CELF2: variants seen among roughly 807,000 people sequenced by gnomAD.
CELF2 encodes CUG triplet repeat RNA-binding protein 2.
CELF2 carries 8 observed loss-of-function variants against 62.6 expected under a neutral mutation model. That is an observed-to-expected ratio of 0.13 (90% CI 0.07 to 0.23). CELF2 has a LOEUF of 0.23. Among genes scored for constraint, CELF2 ranks in the 10% least tolerant of loss-of-function variants. CELF2 has a pLI of 1.00. For missense variants in CELF2, 333 were observed against 671.0 expected, an observed-to-expected ratio of 0.50 and a Z score of 5.56; for synonymous variants, 258 against 250.0, an observed-to-expected ratio of 1.03 and a Z score of -0.30.
intron 3 of CELF2, among the ~76,000 whole-genome samples, chr10:11,228,984 A>C (rs561008509): frequency 6.6e-6 from 1 of 152,308 alleles, no homozygotes; most frequent in African/African-American, 2.4e-5. Context: ...GGACCTGTGC[A>C]GGAAAGTAGG....
the CELF2 span, among the ~76,000 whole-genome samples, chr10:10,549,094 C>T: frequency 6.6e-6 from 1 of 152,158 alleles, no homozygotes; most frequent in African/African-American, 2.4e-5. Context: ...CTCTCTGGTC[C>T]TCATGTTCTC....
At chr10:10,748,174 T>C in the CELF2 span, among the ~76,000 whole-genome samples, 1 of 151,824 alleles carries the variant, frequency 6.6e-6, no homozygotes, top group Non-Finnish European at 1.5e-5. Flanking sequence ...CAGAGTAGGG[T>C]GACTATAATT....
intron 1 of CELF2, among the ~76,000 whole-genome samples, chr10:11,107,410 G>C (rs1010461584): frequency 7.9e-5 from 12 of 152,120 alleles, no homozygotes; most frequent in Non-Finnish European, 1.5e-5. Context: ...TCCACCAATA[G>C]CCACCTCCAT....
At chr10:11,103,116 C>T (rs529778871) in intron 1 of CELF2, among the ~76,000 whole-genome samples, 7 of 152,162 alleles carry the variant, frequency 4.6e-5, no homozygotes, top group Non-Finnish European at 8.8e-5. Flanking sequence ...CGGCTGCAAT[C>T]TCCCTTTTCC....
At chr10:10,615,752 C>A in the CELF2 span, among the ~76,000 whole-genome samples, 1 of 152,244 alleles carries the variant, frequency 6.6e-6, no homozygotes, top group Middle Eastern at 3.4e-3. Flanking sequence ...TCCCCTTCAC[C>A]TTCCACCATG....
chr10:10,761,332 A>G, the CELF2 span, among the ~76,000 whole-genome samples: 7 of 152,232 alleles, frequency 4.6e-5, no homozygotes, highest in Admixed American at 3.9e-4. Flanking sequence ...AAAAGATTAT[A>G]CAATGAGTTT....
rs965937954 is a variant in CELF2, at chr10:11,332,867, G to C, written c.*3814G>C. On this transcript the variant is annotated 3_prime_UTR_variant, in exon 13 of 13. Transcript: ENST00000633077. ...TGGGGCCTTCCTTCATCCTCTGAGG[G>C]CTATTTTGTACTTTCTGCAGCAATC... 1 of 152,568 alleles carries C rather than the reference G, an allele frequency of 6.6e-6. No homozygotes were observed. The highest frequency in any genetic ancestry group is 1.5e-5 in the Non-Finnish European group (1 of 68,038). 9.5% of individuals were successfully genotyped at this position (152,568 alleles called of 1,614,324 possible).
intron 2 of CELF2, among the ~76,000 whole-genome samples, chr10:10,965,621 C>A (rs1017823257): frequency 1.2e-4 from 19 of 152,048 alleles, no homozygotes; most frequent in Admixed American, 1.2e-3. Flanking sequence ...TAAATATCAT[C>A]CAAATTGTAT....
chr10:10,792,337 G>C, the CELF2 span: 1 of 398,212 alleles, frequency 2.5e-6, no homozygotes, highest in South Asian at 1.3e-4. Flanking sequence ...AGTTTTTGTG[G>C]GGGAGTGGGG....
chr10:10,633,046 G>C, the CELF2 span, among the ~76,000 whole-genome samples: 1 of 152,038 alleles, frequency 6.6e-6, no homozygotes, highest in Non-Finnish European at 1.5e-5. Context: ...CCTTAAACCA[G>C]TATTCTCTTG....
chr10:10,466,791 C>A, the CELF2 span, among the ~76,000 whole-genome samples: 1 of 152,034 alleles, frequency 6.6e-6, no homozygotes, highest in East Asian at 1.9e-4. Flanking sequence ...ATAAACCTTC[C>A]CTGAAATTGA....
intron 1 of CELF2, among the ~76,000 whole-genome samples, chr10:11,147,233 TG>T (rs1218144778): frequency 6.6e-6 from 1 of 152,188 alleles, no homozygotes; most frequent in Non-Finnish European, 1.5e-5. Context: ...TTCAGGTTTT[TG>T]TTTTTGTGAA....
At chr10:10,830,529 G>A (rs2057764717) in intron 1 of CELF2, among the ~76,000 whole-genome samples, 1 of 151,968 alleles carries the variant, frequency 6.6e-6, no homozygotes, top group South Asian at 2.1e-4. Context: ...GGTCCTTGGA[G>A]GATTTAAAAA....
At position 11,300,504 on chromosome 10, in the gene CELF2, CCA is replaced by C. The variant is rs1325696281; in HGVS notation, c.976+11953_976+11954del. On this transcript the variant is annotated intron_variant, in intron 9 of 12. Coordinates refer to ENST00000633077, the MANE Select transcript of CELF2 (RefSeq NM_001326342.2). The surrounding 1 kb of genome is among the most constrained non-coding windows in gnomAD (Gnocchi z 5.5). ...AGGTCACACCTCACCACTGCAGCGC[CCA>C]GTGTCACTTTCCAACCCTACCTCCT... 1.3e-5 allele frequency among the ~76,000 whole-genome samples: 2 copies of C among 152,196 alleles called. No homozygotes were observed. The highest frequency in any genetic ancestry group is 4.8e-5 in the African/African-American group (2 of 41,456).
chr10:11,138,764 G>C (rs2060835699), intron 1 of CELF2, among the ~76,000 whole-genome samples: 1 of 152,202 alleles, frequency 6.6e-6, no homozygotes, highest in Admixed American at 6.5e-5. Context: ...TCTCGTGTGT[G>C]TTAAACAGAG....
chr10:10,894,644 G>A (rs2062405972), intron 1 of CELF2, among the ~76,000 whole-genome samples: 2 of 151,156 alleles, frequency 1.3e-5, no homozygotes, highest in Admixed American at 6.6e-5. Context: ...TAGAAAGAAG[G>A]ATCCACTATG....
At chr10:10,610,062 G>T in the CELF2 span, among the ~76,000 whole-genome samples, 15 of 152,216 alleles carry the variant, frequency 9.9e-5, no homozygotes, top group Admixed American at 9.2e-4. Context: ...TATTTATGTG[G>T]ATCAATATAT....
chr10:10,968,025 A>G (rs1417896368), intron 2 of CELF2, among the ~76,000 whole-genome samples: 1 of 152,148 alleles, frequency 6.6e-6, no homozygotes. Context: ...CTTTAAGCCT[A>G]GAGTTTCAAC....
At position 11,202,943 on chromosome 10, in the gene CELF2, CTCTCTCTCTGTG is replaced by C. The variant is rs1270252264; in HGVS notation, c.272-14480_272-14469del. On this transcript the variant is annotated intron_variant, in intron 2 of 12. Coordinates refer to ENST00000633077, the MANE Select transcript of CELF2 (RefSeq NM_001326342.2). Reference sequence around the variant, plus strand: ...TCTCTCTCTCTCTCTCTCTCTCTCTCTCTCTCTCTGTGTGTGTGTGTGTGTGTGTAATCCAAA... The same window carrying C: ...TCTCTCTCTCTCTCTCTCTCTCTCTCTGTGTGTGTGTGTGTGTAATCCAAA... Among the ~76,000 whole-genome samples the C allele has an allele frequency of 3.7e-3, 294 of 79,158 alleles. 1 individual carries two copies. Among genetic ancestry groups the C allele is most frequent in the South Asian group, 6.0e-3 (17 of 2,840 alleles). The allele number at this position is 79,158 out of a possible 152,430, so 51.9% of individuals were successfully genotyped here.
Sources: allele counts gnomAD v4.1 joint callset (sites outside exome capture counted in the v4.1 genomes callset), GRCh38; gene constraint gnomAD v4.1.1; non-coding constraint Gnocchi (gnomAD v3.1); transcripts MANE v1.5; gene names NCBI Gene and HGNC (gene_info 2026-07-23, HGNC 2026-07-21).